The following WDR72 variants were observed in gnomAD, a reference collection of about 807,000 sequenced individuals.
WDR72 encodes WD repeat-containing protein 72.
WDR72 carries 120 observed loss-of-function variants against 124.2 expected under a neutral mutation model. That is an observed-to-expected ratio of 0.97 (90% CI 0.83 to 1.12). The LOEUF (loss-of-function observed/expected upper bound fraction) is 1.12. WDR72 is among the 50% of genes most tolerant of loss of function. WDR72 has a pLI of 0.00. For synonymous variants in WDR72, 452 were observed against 441.7 expected (o/e 1.02, Z -0.29); for missense variants, 1,387 against 1,278.8 (o/e 1.08, Z -1.29).
chr15:53,695,757 G>A (rs1382859687), intron 13 of WDR72, among the ~76,000 whole-genome samples: 4 of 152,088 alleles, frequency 2.6e-5, no homozygotes. Context: ...TCACAGAAAG[G>A]AACACCCTTA....
chr15:53,634,241 G>C (rs2140399977), intron 14 of WDR72, among the ~76,000 whole-genome samples: 1 of 152,266 alleles, frequency 6.6e-6, no homozygotes, highest in South Asian at 2.1e-4. Context: ...GGAACCTCAG[G>C]ACCTGAGGAA....
intron 9 of WDR72, among the ~76,000 whole-genome samples, chr15:53,710,170 G>A (rs557471342): frequency 5.9e-5 from 9 of 152,204 alleles, no homozygotes; most frequent in South Asian, 4.2e-4. Flanking sequence ...AAATTTATTC[G>A]TAAGAATAGC....
Position 53,705,094 on chromosome 15 carries a change from T to A in WDR72, c.1242A>T (p.Pro414=). The A allele has an allele frequency of 6.2e-7, 1 of 1,614,132 alleles. No individual in the cohort carries two copies. The highest frequency in any genetic ancestry group is 8.5e-7 in the Non-Finnish European group (1 of 1,180,024). Residue 414 remains proline, a synonymous_variant, in exon 11 of 20, where the codon CCA becomes CCT. Transcript: ENST00000360509. ...AGCCACATATTAGTTTATCAAGACT[T>A]GGAATATACTCTGATGAAGTGACTA... ...TAVVTSSEYI[P]SLDKLICGCE... is the part of the protein sequence containing the mutation.
At chr15:53,725,584 A>G (rs548771487) in intron 2 of WDR72, among the ~76,000 whole-genome samples, 1 of 152,352 alleles carries the variant, frequency 6.6e-6, no homozygotes, top group East Asian at 1.9e-4. Flanking sequence ...GAACAGATAA[A>G]TTATGGTACA....
At chr15:53,526,959 C>T (rs1892153546) in intron 18 of WDR72, among the ~76,000 whole-genome samples, 4 of 152,034 alleles carry the variant, frequency 2.6e-5, no homozygotes, top group African/African-American at 9.7e-5. Context: ...ATATTGACGA[C>T]TGAAGGGCCA....
intron 9 of WDR72, among the ~76,000 whole-genome samples, chr15:53,707,414 T>C (rs1249505437): frequency 1.3e-5 from 2 of 151,116 alleles, no homozygotes; most frequent in African/African-American, 2.4e-5. Context: ...AATAAGAGCA[T>C]CACAGAAAAT....
intron 17 of WDR72, among the ~76,000 whole-genome samples, chr15:53,603,404 C>G (rs1432065887): frequency 6.6e-6 from 1 of 152,034 alleles, no homozygotes; most frequent in East Asian, 1.9e-4. Context: ...AAGCTAGAAC[C>G]ATTCTCCCTT....
chr15:53,714,751 T>A (rs2017656145), intron 5 of WDR72, among the ~76,000 whole-genome samples: 1 of 152,132 alleles, frequency 6.6e-6, no homozygotes, highest in Non-Finnish European at 1.5e-5. Context: ...ACATTGCAAA[T>A]CATCATAAAA....
In WDR72 at chr15:53,615,611, C is replaced by T. The variant is rs1367682232; in HGVS notation, c.2595G>A (p.Arg865=). 3.1e-6 allele frequency: 5 copies of T among 1,612,562 alleles called. No individual in the cohort carries two copies. Among genetic ancestry groups the T allele is most frequent in the South Asian group, 2.2e-5 (2 of 90,994 alleles). The change falls in exon 15 of 20, where the codon AGG becomes AGA. Residue 865 remains arginine (R), a synonymous_variant. Transcript: ENST00000360509. ...ATTTATCTGACAAGTCCAAAACTTTCCTGGAAAATAAATTTACTCCTGAAT... is the reference window on the plus strand; with the variant it reads ...ATTTATCTGACAAGTCCAAAACTTTTCTGGAAAATAAATTTACTCCTGAAT... ...KDYSGVNLFS[R]KVLDLSDKYT...
chr15:53,569,764 C>G (rs1218509903), intron 18 of WDR72, among the ~76,000 whole-genome samples: 1 of 151,996 alleles, frequency 6.6e-6, no homozygotes, highest in African/African-American at 2.4e-5. Context: ...ATCATGCCCC[C>G]CTAGAATGTC....
chr15:53,655,543 G>T lies in WDR72; in HGVS notation c.1962+10029C>A, dbSNP rs577823284. On this transcript the variant is annotated intron_variant, in intron 14 of 19. Coordinates refer to ENST00000360509, the MANE Select transcript of WDR72 (RefSeq NM_182758.4). Reference sequence around the variant, plus strand: ...ATTACATGATGAATGTCATGCTATGGTTGTTGTAAAACAGAGATTGGCCTG... The same window carrying T: ...ATTACATGATGAATGTCATGCTATGTTTGTTGTAAAACAGAGATTGGCCTG... Among the ~76,000 whole-genome samples the T allele has an allele frequency of 2.6e-5, 4 of 152,222 alleles. 1 individual carries two copies. Among genetic ancestry groups the T allele is most frequent in the African/African-American group, 9.6e-5 (4 of 41,542 alleles).
At chr15:53,757,210 C>T (rs533777980) in intron 1 of WDR72, among the ~76,000 whole-genome samples, 52 of 152,272 alleles carry the variant, frequency 3.4e-4, no homozygotes, top group South Asian at 6.2e-4. Context: ...ACCACATCTG[C>T]CTGCTTCCAA....
At position 53,705,133 on chromosome 15, in the gene WDR72, C is replaced by T. The variant is rs936386513; in HGVS notation, c.1203G>A (p.Gly401=). 2.5e-6 allele frequency: 4 copies of T among 1,614,032 alleles called. No homozygotes were observed. The highest frequency in any genetic ancestry group is 1.7e-6 in the Non-Finnish European group (2 of 1,180,010). The stretch of plus-strand genomic sequence containing the variant: ...ATGAAGTGACTACAGCAGTTCCTGC[C>T]CCATCTTTAAGCCCAGAGAAATAGT... ...IIDYFSGLKD[G]AGTAVVTSSE... The change falls in exon 11 of 20, where the codon GGG becomes GGA. Residue 401 remains glycine (G), a synonymous_variant. Coordinates refer to ENST00000360509, the MANE Select transcript of WDR72 (RefSeq NM_182758.4).
intron 18 of WDR72, among the ~76,000 whole-genome samples, chr15:53,568,522 C>T (rs141444812): frequency 2.6e-4 from 39 of 152,102 alleles, no homozygotes; most frequent in Admixed American, 2.6e-3. Flanking sequence ...ATCTGCTTCC[C>T]TGTACATCTA....
chr15:53,626,560 A>G (rs1377745620), intron 14 of WDR72, among the ~76,000 whole-genome samples: 1 of 152,188 alleles, frequency 6.6e-6, no homozygotes, highest in Non-Finnish European at 1.5e-5. Context: ...CAGAGTGAAA[A>G]CAGAGTTCCC....
In WDR72 at chr15:53,516,606, C is replaced by T. The variant is rs1373036439; in HGVS notation, c.*1093G>A. ...CCCACCATAGGACCTGAGGCTGCTC[C>T]TATGCTCAGAGATATGTTTCTTCAA... On this transcript the variant is annotated 3_prime_UTR_variant, in exon 20 of 20. Transcript: ENST00000360509. 2 of 152,020 alleles carry T rather than the reference C, an allele frequency of 1.3e-5. No homozygotes were observed. Among genetic ancestry groups the T allele is most frequent in the African/African-American group, 4.8e-5 (2 of 41,422 alleles). 9.4% of individuals were successfully genotyped at this position (152,020 alleles called of 1,614,324 possible).
chr15:53,536,125 G>C (rs1406986669), intron 18 of WDR72, among the ~76,000 whole-genome samples: 1 of 152,142 alleles, frequency 6.6e-6, no homozygotes, highest in Non-Finnish European at 1.5e-5. Flanking sequence ...CAGAGCAGCT[G>C]AGCATTAAGC....
At chr15:53,573,549 T>C (rs1412277561) in intron 18 of WDR72, among the ~76,000 whole-genome samples, 5 of 128,458 alleles carry the variant, frequency 3.9e-5, no homozygotes, top group Non-Finnish European at 7.7e-5. Flanking sequence ...GCTTCTTTTC[T>C]TTTTTTTTTT....
At chr15:53,740,471 C>G (rs1056799761) in intron 1 of WDR72, among the ~76,000 whole-genome samples, 41 of 152,188 alleles carry the variant, frequency 2.7e-4, no homozygotes, top group African/African-American at 8.9e-4. Flanking sequence ...CCGCGCCCGG[C>G]TAATTTTTTG....
Sources: gnomAD v4.1 joint callset for allele counts (sites outside exome capture counted in the v4.1 genomes callset) on GRCh38, gnomAD v4.1.1 for gene constraint, MANE v1.5 for transcripts, NCBI Gene and HGNC (gene_info 2026-07-23, HGNC 2026-07-21) for gene names.